The following CTNNA1 variants were observed in gnomAD, a reference collection of about 807,000 sequenced individuals.
CTNNA1 encodes the protein catenin alpha-1.
Under a neutral mutation model 98.4 loss-of-function variants are expected in CTNNA1, and 37 were observed. That is an observed-to-expected ratio of 0.38 (90% CI 0.29 to 0.49). CTNNA1 has a LOEUF of 0.49. CTNNA1 is among the 20% of genes least tolerant of loss of function. The probability of loss-of-function intolerance (pLI) is 0.95; values close to 1 mark genes in which losing one functional copy is unlikely to be tolerated. For synonymous variants in CTNNA1, 404 were observed against 413.2 expected (o/e 0.98, Z 0.27); for missense variants, 761 against 1,147.2 (o/e 0.66, Z 4.86).
intron 16 of CTNNA1, 24 bp downstream of exon 16, chr5:138,930,959 G>T (rs182653601): frequency 6.5e-7 from 1 of 1,527,134 alleles, no homozygotes; most frequent in East Asian, 2.2e-5. Flanking sequence ...TTGCCAGGTG[G>T]GTCTCCAAGC....
chr5:138,840,852 A>T (rs1762211920), intron 7 of CTNNA1, among the ~76,000 whole-genome samples: 1 of 152,102 alleles, frequency 6.6e-6, no homozygotes, highest in Non-Finnish European at 1.5e-5. Flanking sequence ...CTGCCCTCAA[A>T]CTAGCCATAA....
At chr5:138,773,506 A>C (rs1456463321) in intron 1 of CTNNA1, among the ~76,000 whole-genome samples, 2 of 152,228 alleles carry the variant, frequency 1.3e-5, no homozygotes, top group Non-Finnish European at 2.9e-5. Context: ...AGGAAAAAAC[A>C]AAAACAAGCT....
intron 13 of CTNNA1, among the ~76,000 whole-genome samples, chr5:138,928,430 T>C (rs903321538): frequency 6.6e-6 from 1 of 152,200 alleles, no homozygotes; most frequent in African/African-American, 2.4e-5. Context: ...TTAAAATACA[T>C]TGCCTATTTT....
At chr5:138,818,332 C>T (rs74741249) in intron 5 of CTNNA1, among the ~76,000 whole-genome samples, 5,332 of 150,918 alleles carry the variant, frequency 0.035, 255 homozygotes, top group African/African-American at 0.11. Flanking sequence ...CCAGGCTGGT[C>T]CCGAACTCCT....
At chr5:138,857,759 G>T (rs959704113) in intron 7 of CTNNA1, among the ~76,000 whole-genome samples, 1 of 152,196 alleles carries the variant, frequency 6.6e-6, no homozygotes, top group Non-Finnish European at 1.5e-5. Flanking sequence ...GTAAGTAGAG[G>T]TGCTATACTT....
At chr5:138,833,665 A>G (rs1168633692) in intron 7 of CTNNA1, among the ~76,000 whole-genome samples, 2 of 152,186 alleles carry the variant, frequency 1.3e-5, no homozygotes, top group Non-Finnish European at 2.9e-5. Context: ...TAAGTAACCA[A>G]CCAGCTAAGG....
At chr5:138,758,813 TG>T (rs1752003211) in intron 1 of CTNNA1, among the ~76,000 whole-genome samples, 1 of 152,152 alleles carries the variant, frequency 6.6e-6, no homozygotes, top group Non-Finnish European at 1.5e-5. Context: ...GGACAGTTTT[TG>T]TTTTTTTTTT....
intron 1 of CTNNA1, among the ~76,000 whole-genome samples, chr5:138,772,154 T>C (rs1753625201): frequency 6.6e-6 from 1 of 152,234 alleles, no homozygotes; most frequent in African/African-American, 2.4e-5. Flanking sequence ...TTTCTCCTCA[T>C]TGCTTCTCAA....
chr5:138,907,738 G>A (rs1191312291), intron 10 of CTNNA1, among the ~76,000 whole-genome samples: 1 of 152,214 alleles, frequency 6.6e-6, no homozygotes, highest in Non-Finnish European at 1.5e-5. Context: ...TTATTTTAAA[G>A]TGTGTGTTTC....
At chr5:138,762,439 A>G (rs907276899) in intron 1 of CTNNA1, among the ~76,000 whole-genome samples, 1 of 152,144 alleles carries the variant, frequency 6.6e-6, no homozygotes, top group Non-Finnish European at 1.5e-5. Context: ...TAAAATGTCA[A>G]CATTGCCCTT....
At position 138,783,224 on chromosome 5, in the gene CTNNA1, G is replaced by T. The variant is rs1755328571; in HGVS notation, c.153G>T (p.Lys51Asn). ...ATAGTAAAGGGCCCTCTAATAAGAA[G>T]AGAGGTCGTTCTAAGAAGGCCCATG... is the stretch of plus-strand genomic sequence containing the variant. ...NTNSKGPSNK[K>N]RGRSKKAHVL... Residue 51 changes from lysine (K) to asparagine (N), a missense_variant, in exon 3 of 18, where the codon AAG (lysine) becomes AAT (asparagine). Physicochemically the swap from Lys to Asn is moderately conservative, Grantham distance 94. This residue lies in a region of CTNNA1 where 328 missense variants were observed against 354.3 expected (regional missense o/e 0.93). Coordinates refer to ENST00000302763, the MANE Select transcript of CTNNA1 (RefSeq NM_001903.5). The T allele has an allele frequency of 4.3e-6, 7 of 1,613,982 alleles. No individual in the cohort carries two copies. Among genetic ancestry groups the T allele is most frequent in the Non-Finnish European group, 5.9e-6 (7 of 1,179,914 alleles).
At chr5:138,823,400 C>T (rs1027879210) in intron 5 of CTNNA1, among the ~76,000 whole-genome samples, 2 of 152,094 alleles carry the variant, frequency 1.3e-5, no homozygotes, top group African/African-American at 4.8e-5. Flanking sequence ...AGTTTAAGAC[C>T]GTATCTATAC....
chr5:138,922,365 A>G (rs981597375), intron 11 of CTNNA1, among the ~76,000 whole-genome samples: 2 of 152,244 alleles, frequency 1.3e-5, no homozygotes, highest in Admixed American at 6.5e-5. Flanking sequence ...GTAGGGTACT[A>G]TGCAGCCATT....
At chr5:138,833,407 A>G (rs2149798532) in intron 7 of CTNNA1, among the ~76,000 whole-genome samples, 1 of 152,364 alleles carries the variant, frequency 6.6e-6, no homozygotes, top group South Asian at 2.1e-4. Context: ...TGCTGTAAGT[A>G]CATCAGATTT....
intron 7 of CTNNA1, chr5:138,872,295 A>C (rs1750742210): frequency 6.6e-6 from 1 of 152,600 alleles, no homozygotes; most frequent in South Asian, 2.1e-4. Context: ...AAGTTGGTGT[A>C]ATTATTTAGG....
intron 5 of CTNNA1, among the ~76,000 whole-genome samples, chr5:138,812,641 C>G (rs961693199): frequency 1.3e-5 from 2 of 152,142 alleles, no homozygotes; most frequent in African/African-American, 2.4e-5. Context: ...TTAATAAAAT[C>G]TTAATCCATT....
chr5:138,866,297 TA>T (rs1561611033), intron 7 of CTNNA1, among the ~76,000 whole-genome samples: 1 of 148,084 alleles, frequency 6.8e-6, no homozygotes, highest in African/African-American at 2.5e-5. Flanking sequence ...TTTATTTATT[TA>T]TTTATTTATT....
intron 7 of CTNNA1, among the ~76,000 whole-genome samples, chr5:138,863,529 A>C (rs1324783720): frequency 1.3e-5 from 2 of 152,198 alleles, no homozygotes; most frequent in East Asian, 3.8e-4. Context: ...TCCAGGTGTG[A>C]GCCACTGCAC....
At chr5:138,921,505 C>T (rs1203352351) in intron 11 of CTNNA1, among the ~76,000 whole-genome samples, 1 of 151,662 alleles carries the variant, frequency 6.6e-6, no homozygotes, top group Non-Finnish European at 1.5e-5. Flanking sequence ...TATTATTGTA[C>T]CTAAATGTTG....
Sources: allele counts gnomAD v4.1 joint callset (sites outside exome capture counted in the v4.1 genomes callset), GRCh38; gene constraint gnomAD v4.1.1; regional missense constraint gnomAD v4.1.1; transcripts MANE v1.5; gene names NCBI Gene and HGNC (gene_info 2026-07-23, HGNC 2026-07-21).